DLG2: variants seen among roughly 807,000 people sequenced by gnomAD.
The protein encoded by DLG2 is discs large MAGUK scaffold protein 2.
Under a neutral mutation model 132.5 loss-of-function variants are expected in DLG2, and 45 were observed. That is an observed-to-expected ratio of 0.34 (90% CI 0.27 to 0.44). The LOEUF (loss-of-function observed/expected upper bound fraction) is 0.44. Ranked by LOEUF, DLG2 falls within the 20% of genes least tolerant of loss-of-function variation. The pLI is 1.00. For synonymous variants in DLG2, 424 were observed against 419.6 expected, an observed-to-expected ratio of 1.01 and a Z score of -0.13; for missense variants, 1,045 against 1,196.9, an observed-to-expected ratio of 0.87 and a Z score of 1.87.
chr11:84,690,707 G>C (rs1388317024), intron 6 of DLG2, among the ~76,000 whole-genome samples: 1 of 151,738 alleles, frequency 6.6e-6, no homozygotes, highest in Non-Finnish European at 1.5e-5. Flanking sequence ...ATGTGAGTTA[G>C]GTGTTATCAT....
In DLG2 at chr11:84,142,845, C is replaced by G. The variant is rs183767346; in HGVS notation, c.624+20616G>C. On this transcript the variant is annotated intron_variant, in intron 9 of 27. Transcript: ENST00000376104. ...CAGACTGAATTAATTGTACCACTGA[C>G]TTTCTTAGTTCTCTGGATTGCAGAT... 2.9e-3 allele frequency among the ~76,000 whole-genome samples: 440 copies of G among 152,204 alleles called. 4 individuals carry two copies. Among genetic ancestry groups the G allele is most frequent in the African/African-American group, 0.01 (430 of 41,532 alleles).
intron 3 of DLG2, among the ~76,000 whole-genome samples, chr11:85,364,251 C>A (rs2084371284): frequency 6.6e-6 from 1 of 152,026 alleles, no homozygotes; most frequent in Non-Finnish European, 1.5e-5. Flanking sequence ...CAACCATATT[C>A]CTTAGGCCTT....
At chr11:83,727,245 G>A (rs2090168956) in intron 18 of DLG2, among the ~76,000 whole-genome samples, 2 of 152,140 alleles carry the variant, frequency 1.3e-5, no homozygotes, top group South Asian at 4.1e-4. Flanking sequence ...CAGATTTTGA[G>A]GGTGATGCCG....
At position 84,519,672 on chromosome 11, in the gene DLG2, A is replaced by T. The variant is rs370849698; in HGVS notation, c.519+14898T>A. ...GGCCTCACAGACACAATAGATTGGG[A>T]GGCCTCCTCCTATTTTTTCCAAAAT... On this transcript the variant is annotated intron_variant, in intron 7 of 27. Coordinates refer to ENST00000376104, the MANE Select transcript of DLG2 (RefSeq NM_001142699.3). Among the ~76,000 whole-genome samples, 35 of 152,264 alleles carry T rather than the reference A, an allele frequency of 2.3e-4. 1 individual carries two copies. In the South Asian group the frequency reaches 4.4e-3, roughly 19 times the overall value.
At chr11:84,121,151 T>C (rs573254606) in intron 9 of DLG2, among the ~76,000 whole-genome samples, 1 of 152,348 alleles carries the variant, frequency 6.6e-6, no homozygotes, top group South Asian at 2.1e-4. Context: ...AGTCCTCACT[T>C]TACTGGGTTC....
In DLG2 at chr11:84,774,376, G is replaced by A. The variant is rs777331256; in HGVS notation, c.358-239645C>T. On this transcript the variant is annotated intron_variant, in intron 6 of 27. Coordinates refer to ENST00000376104, the MANE Select transcript of DLG2 (RefSeq NM_001142699.3). ...TAAAATGGCCATACTGCCTAAAGTG[G>A]TCTATAGATTCAATGCTATTTCTAT... Among the ~76,000 whole-genome samples the A allele has an allele frequency of 4.4e-4, 67 of 152,126 alleles. 1 individual carries two copies. Among genetic ancestry groups the A allele is most frequent in the Non-Finnish European group, 9.0e-4 (61 of 67,990 alleles).
chr11:85,389,556 A>C (rs1237302869), intron 3 of DLG2, among the ~76,000 whole-genome samples: 1 of 152,218 alleles, frequency 6.6e-6, no homozygotes, highest in Admixed American at 6.5e-5. Context: ...GCACACAGTC[A>C]TCAGGTTATC....
At chr11:83,929,338 G>A (rs1174758809) in intron 15 of DLG2, among the ~76,000 whole-genome samples, 2 of 152,024 alleles carry the variant, frequency 1.3e-5, no homozygotes. Context: ...AGATATTCCT[G>A]TCTGAAAAAA....
intron 6 of DLG2, among the ~76,000 whole-genome samples, chr11:84,580,715 T>C (rs377432367): frequency 2.0e-5 from 3 of 152,230 alleles, no homozygotes; most frequent in African/African-American, 2.4e-5. Context: ...TTGGACATTA[T>C]AGTTCCTTTG....
chr11:84,031,195 A>G (rs769178426), intron 11 of DLG2, among the ~76,000 whole-genome samples: 3 of 151,246 alleles, frequency 2.0e-5, no homozygotes, highest in Non-Finnish European at 4.4e-5. Flanking sequence ...TACTTTTCCC[A>G]TGATTGCTCT....
chr11:83,901,702 A>G (rs1477855897), intron 15 of DLG2, among the ~76,000 whole-genome samples: 1 of 151,978 alleles, frequency 6.6e-6, no homozygotes, highest in Non-Finnish European at 1.5e-5. Context: ...AATGACTAAT[A>G]CAGTTTCCAT....
chr11:85,338,905 C>T (rs528944504), intron 3 of DLG2, among the ~76,000 whole-genome samples: 147 of 151,956 alleles, frequency 9.7e-4, no homozygotes, highest in African/African-American at 3.3e-3. Flanking sequence ...GGGGTTTCAC[C>T]GTGGTCTCAA....
intron 16 of DLG2, among the ~76,000 whole-genome samples, chr11:83,858,161 T>C (rs2060856590): frequency 6.6e-6 from 1 of 152,176 alleles, no homozygotes; most frequent in Non-Finnish European, 1.5e-5. Context: ...GAGTACGAGT[T>C]CTGATCTATG....
intron 18 of DLG2, among the ~76,000 whole-genome samples, chr11:83,634,400 C>T (rs899291232): frequency 3.3e-5 from 5 of 152,082 alleles, no homozygotes; most frequent in Non-Finnish European, 5.9e-5. Flanking sequence ...TTTTTTATCA[C>T]AACCTAGAAA....
chr11:83,914,311 C>G (rs1565617743), intron 15 of DLG2, among the ~76,000 whole-genome samples: 3 of 152,136 alleles, frequency 2.0e-5, no homozygotes, highest in Admixed American at 6.5e-5. Context: ...CCTGGCTCCC[C>G]TCTGCTAGAA....
intron 22 of DLG2, among the ~76,000 whole-genome samples, chr11:83,483,021 T>C (rs895947495): frequency 3.3e-5 from 5 of 152,106 alleles, no homozygotes; most frequent in African/African-American, 1.2e-4. Flanking sequence ...AAAGGGATGG[T>C]GTTAACTGCA....
At chr11:83,880,797 T>C (rs144744379) in intron 15 of DLG2, among the ~76,000 whole-genome samples, 17 of 152,294 alleles carry the variant, frequency 1.1e-4, no homozygotes, top group Admixed American at 2.0e-4. Flanking sequence ...TGATCTATAG[T>C]GGACATCTAT....
chr11:85,420,083 G>A (rs1234641711), intron 3 of DLG2, among the ~76,000 whole-genome samples: 1 of 152,140 alleles, frequency 6.6e-6, no homozygotes, highest in Non-Finnish European at 1.5e-5. Context: ...TCTACCTTTG[G>A]TCTTTGGTTG....
intron 14 of DLG2, among the ~76,000 whole-genome samples, chr11:83,933,261 C>T (rs963208064): frequency 1.3e-5 from 2 of 152,200 alleles, no homozygotes; most frequent in African/African-American, 4.8e-5. Context: ...CCTGCTTATC[C>T]TATTATAAAC....
Sources: allele counts gnomAD v4.1 joint callset (sites outside exome capture counted in the v4.1 genomes callset), GRCh38; gene constraint gnomAD v4.1.1; transcripts MANE v1.5; gene names NCBI Gene and HGNC (gene_info 2026-07-23, HGNC 2026-07-21).